The following THBS4 variants were observed in gnomAD, a reference collection of about 807,000 sequenced individuals.
THBS4 encodes the protein thrombospondin 4.
THBS4 carries 90 observed loss-of-function variants against 115.7 expected under a neutral mutation model. The observed-to-expected ratio is 0.78, with a 90% CI of 0.66 to 0.93. The LOEUF is 0.93. THBS4 is among the 40% of genes least tolerant of loss of function. THBS4 has a pLI of 0.00. For synonymous variants in THBS4, 460 were observed against 479.3 expected (o/e 0.96, Z 0.53); for missense variants, 1,087 against 1,232.7 (o/e 0.88, Z 1.77).
intron 1 of THBS4, among the ~76,000 whole-genome samples, chr5:79,996,327 G>GT (rs1831794290): frequency 1.3e-5 from 2 of 152,100 alleles, no homozygotes; most frequent in African/African-American, 4.8e-5. Context: ...TATTCATTCA[G>GT]TTTTTTTAAA....
chr5:80,041,495 C>T (rs796280018), intron 2 of THBS4, among the ~76,000 whole-genome samples: 16 of 152,274 alleles, frequency 1.1e-4, no homozygotes, highest in African/African-American at 3.4e-4. Flanking sequence ...TAGCTCCTAA[C>T]TCCTTAAGCA....
intron 16 of THBS4, 59 bp from the exon 17 acceptor site, chr5:80,077,990 A>G: frequency 7.0e-7 from 1 of 1,418,506 alleles, no homozygotes; most frequent in Non-Finnish European, 9.4e-7. Flanking sequence ...CTTCCCTGCC[A>G]AGGAGTGGCG....
intron 2 of THBS4, among the ~76,000 whole-genome samples, chr5:80,005,805 C>T (rs556316578): frequency 2.2e-5 from 3 of 136,558 alleles, no homozygotes; most frequent in Admixed American, 8.2e-5. Context: ...CTCACTCTGT[C>T]GCCCAGGCTG....
intron 20 of THBS4, among the ~76,000 whole-genome samples, chr5:80,081,564 G>A (rs1351185088): frequency 1.3e-5 from 2 of 152,230 alleles, no homozygotes; most frequent in Non-Finnish European, 2.9e-5. Context: ...TGTTGTGTCA[G>A]TGACTTAAAT....
chr5:80,062,232 T>C (rs1043474571), intron 8 of THBS4, among the ~76,000 whole-genome samples: 2 of 152,204 alleles, frequency 1.3e-5, no homozygotes, highest in Non-Finnish European at 2.9e-5. Flanking sequence ...GTTTCAGAGA[T>C]GAGGGGATTT....
At chr5:80,053,800 G>A (rs1190829713) in intron 2 of THBS4, among the ~76,000 whole-genome samples, 1 of 152,018 alleles carries the variant, frequency 6.6e-6, no homozygotes, top group Non-Finnish European at 1.5e-5. Flanking sequence ...TCCTGACCTC[G>A]TGATCTGCCC....
chr5:80,001,003 C>T (rs957169243), intron 2 of THBS4, among the ~76,000 whole-genome samples: 5 of 152,042 alleles, frequency 3.3e-5, no homozygotes, highest in East Asian at 3.9e-4. Context: ...ATTTATTCTT[C>T]GAGATAACTT....
At chr5:80,054,164 T>C (rs55980193) in intron 2 of THBS4, among the ~76,000 whole-genome samples, 464 of 150,414 alleles carry the variant, frequency 3.1e-3, no homozygotes, top group Non-Finnish European at 4.6e-3. Flanking sequence ...CTTTTCTTTT[T>C]TTTTTTTTTT....
Position 80,059,919 on chromosome 5 carries a change from T to C in THBS4, c.987+14T>C, listed in dbSNP as rs1219046624. 1.2e-6 allele frequency: 2 copies of C among 1,611,550 alleles called. No individual in the cohort carries two copies. Among genetic ancestry groups the C allele is most frequent in the South Asian group, 1.1e-5 (1 of 91,034 alleles). The stretch of plus-strand genomic sequence containing the variant: ...GATGTTGATGAGGTAAAAGTTCACT[T>C]AGACTGGGAGGGGATCCCTAAGTAT... On this transcript the variant is annotated intron_variant, in intron 7 of 21. Transcript: ENST00000350881.
intron 14 of THBS4, chr5:80,072,633 C>T (rs916763308): frequency 4.0e-5 from 20 of 501,820 alleles, no homozygotes; most frequent in African/African-American, 1.9e-4. Flanking sequence ...GTTAGTAACA[C>T]GAACTTCATG....
chr5:80,004,554 G>A (rs1446189467), intron 2 of THBS4, among the ~76,000 whole-genome samples: 1 of 152,138 alleles, frequency 6.6e-6, no homozygotes, highest in Non-Finnish European at 1.5e-5. Context: ...CTAGAAGCAA[G>A]CAAACAGATA....
chr5:80,034,707 C>G (rs1180960143), upstream of THBS4, among the ~76,000 whole-genome samples: 1 of 152,180 alleles, frequency 6.6e-6, no homozygotes, highest in African/African-American at 2.4e-5. Context: ...ATGGCTCTGT[C>G]TGGATGGATT....
intron 2 of THBS4, among the ~76,000 whole-genome samples, chr5:80,018,389 C>CTTTTTTTTTT (rs35373315): frequency 1.0e-5 from 1 of 100,004 alleles, no homozygotes; most frequent in African/African-American, 4.3e-5. Context: ...TTCAAATATA[C>CTTTTTTTTTT]TTTTTTTTTT....
intron 20 of THBS4, among the ~76,000 whole-genome samples, chr5:80,081,427 TAGAG>T: frequency 6.6e-6 from 1 of 152,268 alleles, no homozygotes; most frequent in Non-Finnish European, 1.5e-5. Context: ...AACAATATCA[TAGAG>T]AAATAAGAAT....
chr5:80,009,008 G>A (rs1832071135), intron 2 of THBS4, among the ~76,000 whole-genome samples: 2 of 152,210 alleles, frequency 1.3e-5, no homozygotes, highest in Non-Finnish European at 2.9e-5. Context: ...AATGGAAATG[G>A]CTGAGGAACT....
chr5:80,067,741 T>C, intron 9 of THBS4: 1 of 468,626 alleles, frequency 2.1e-6, no homozygotes, highest in African/African-American at 2.0e-5. Flanking sequence ...GCCTTCTTCC[T>C]TCACTTCTAT....
intron 2 of THBS4, among the ~76,000 whole-genome samples, chr5:80,047,999 C>T (rs1272099041): frequency 6.6e-6 from 1 of 151,988 alleles, no homozygotes; most frequent in Non-Finnish European, 1.5e-5. Context: ...CCTGTAGTTC[C>T]AGCTACTCAG....
chr5:80,048,805 A>T lies in THBS4; in HGVS notation c.293-6980A>T, dbSNP rs141448598. Among the ~76,000 whole-genome samples the T allele has an allele frequency of 2.1e-3, 325 of 152,388 alleles. 3 individuals carry two copies. Among genetic ancestry groups the T allele is most frequent in the Non-Finnish European group, 3.9e-3 (266 of 68,046 alleles). ...TACCTTTTGTATGTATTTCCAAAGC[A>T]CTAAAGTTACAAAGACCTAGTGTAT... is the stretch of plus-strand genomic sequence containing the variant. On this transcript the variant is annotated intron_variant, in intron 2 of 21. Transcript: ENST00000350881.
chr5:80,031,829 C>T (rs1005625964), upstream of THBS4, among the ~76,000 whole-genome samples: 3 of 152,116 alleles, frequency 2.0e-5, no homozygotes, highest in South Asian at 2.1e-4. Flanking sequence ...GATGTGTACA[C>T]AGAAGAGCAA....
Sources: allele counts gnomAD v4.1 joint callset (sites outside exome capture counted in the v4.1 genomes callset), GRCh38; gene constraint gnomAD v4.1.1; transcripts MANE v1.5; gene names NCBI Gene and HGNC (gene_info 2026-07-23, HGNC 2026-07-21).